The following SLAIN2 variants were observed in gnomAD, a reference collection of about 807,000 sequenced individuals.
SLAIN2 encodes the protein SLAIN family member 2.
In SLAIN2, 31 loss-of-function variants were observed where a neutral mutation model predicts 56.6. The observed-to-expected ratio is 0.55, with a 90% CI of 0.41 to 0.74. The LOEUF is 0.74. SLAIN2 is among the 30% of genes least tolerant of loss of function. The pLI is 0.00. For synonymous variants in SLAIN2, 317 were observed against 284.9 expected, an observed-to-expected ratio of 1.11 and a Z score of -1.13; for missense variants, 777 against 754.2, an observed-to-expected ratio of 1.03 and a Z score of -0.35.
intron 1 of SLAIN2, among the ~76,000 whole-genome samples, chr4:48,346,447 A>G (rs906970529): frequency 6.6e-6 from 1 of 152,098 alleles, no homozygotes; most frequent in Admixed American, 6.6e-5. Context: ...CTTCTCATCG[A>G]TAACCTTTGT....
At chr4:48,378,629 CTGAT>C (rs1715890004) in intron 3 of SLAIN2, among the ~76,000 whole-genome samples, 1 of 152,126 alleles carries the variant, frequency 6.6e-6, no homozygotes, top group African/African-American at 2.4e-5. Context: ...GTTGTTATGA[CTGAT>C]TATTATAACT....
intron 6 of SLAIN2, among the ~76,000 whole-genome samples, chr4:48,404,956 C>T (rs1716654904): frequency 3.3e-5 from 5 of 152,292 alleles, no homozygotes; most frequent in South Asian, 2.1e-4. Flanking sequence ...AGTTTCCCCT[C>T]CACTTATACA....
chr4:48,374,874 T>C (rs770875110), intron 2 of SLAIN2, among the ~76,000 whole-genome samples: 25 of 152,208 alleles, frequency 1.6e-4, no homozygotes, highest in Admixed American at 3.3e-4. Context: ...ATTGGGATCA[T>C]TCTGGAAGAG....
intron 6 of SLAIN2, among the ~76,000 whole-genome samples, chr4:48,398,008 C>A (rs1716453789): frequency 6.6e-6 from 1 of 152,116 alleles, no homozygotes; most frequent in African/African-American, 2.4e-5. Context: ...GATTTATATT[C>A]CTTTGAACAT....
At chr4:48,418,810 A>G (rs1176630954) in intron 6 of SLAIN2, among the ~76,000 whole-genome samples, 5 of 152,056 alleles carry the variant, frequency 3.3e-5, no homozygotes, top group Non-Finnish European at 7.4e-5. Context: ...CATAAATTAG[A>G]TATGACTTTC....
At chr4:48,368,678 C>T (rs1715589815) in intron 1 of SLAIN2, among the ~76,000 whole-genome samples, 1 of 152,100 alleles carries the variant, frequency 6.6e-6, no homozygotes, top group African/African-American at 2.4e-5. Flanking sequence ...GAATGAACCC[C>T]ATTGATTTCA....
chr4:48,360,037 C>T (rs967674558), intron 1 of SLAIN2, among the ~76,000 whole-genome samples: 1 of 151,922 alleles, frequency 6.6e-6, no homozygotes, highest in African/African-American at 2.4e-5. Flanking sequence ...ACCTATAATC[C>T]CAGCTACTCA....
chr4:48,396,106 T>G (rs1206878865), intron 6 of SLAIN2, among the ~76,000 whole-genome samples: 1 of 152,154 alleles, frequency 6.6e-6, no homozygotes, highest in Admixed American at 6.6e-5. Context: ...AACTTCTAGC[T>G]GAATTTTTAA....
chr4:48,352,190 T>G (rs1465365223), intron 1 of SLAIN2, among the ~76,000 whole-genome samples: 1 of 152,202 alleles, frequency 6.6e-6, no homozygotes, highest in Non-Finnish European at 1.5e-5. Context: ...ATAGCTACCT[T>G]TATTGGCTAG....
At chr4:48,362,747 A>ATTTTTTTTTTTTTTTTTTTTTT (rs1715365516) in intron 1 of SLAIN2, among the ~76,000 whole-genome samples, 5 of 51,510 alleles carry the variant, frequency 9.7e-5, no homozygotes, top group Non-Finnish European at 2.1e-4. Context: ...TTTTTTTTTT[A>ATTTTTTTTTTTTTTTTTTTTTT]TTCTTTTTTT....
In SLAIN2 at chr4:48,342,711, C is replaced by CTTTTTTTTTTTTTTTTTTTT. The variant is rs761272695; in HGVS notation, c.389+588_389+607dup. Among the ~76,000 whole-genome samples, 15 of 65,946 alleles carry CTTTTTTTTTTTTTTTTTTTT rather than the reference C, an allele frequency of 2.3e-4. 1 individual carries two copies. Among genetic ancestry groups the CTTTTTTTTTTTTTTTTTTTT allele is most frequent in the African/African-American group, 4.4e-4 (7 of 15,984 alleles). The allele number at this position is 65,946 out of a possible 152,430, so 43.3% of individuals were successfully genotyped here. ...GAAGAGAGGGCAGAGGATGGTGCTGCTTTTTTTTTTTTTTTTTTTTTTTTG... is the reference window on the plus strand; with the variant it reads ...GAAGAGAGGGCAGAGGATGGTGCTGCTTTTTTTTTTTTTTTTTTTTTTTTTTTTTTTTTTTTTTTTTTTTG... On this transcript the variant is annotated intron_variant, in intron 1 of 7. Coordinates refer to ENST00000264313, the MANE Select transcript of SLAIN2 (RefSeq NM_020846.2).
At chr4:48,361,246 G>A (rs1436034392) in intron 1 of SLAIN2, among the ~76,000 whole-genome samples, 1 of 152,204 alleles carries the variant, frequency 6.6e-6, no homozygotes, top group Non-Finnish European at 1.5e-5. Context: ...GAGCAGGGGA[G>A]GGTGAGGTAA....
In SLAIN2 at chr4:48,423,011, C is replaced by T. The variant is rs1352238178; in HGVS notation, c.*934C>T. On this transcript the variant is annotated 3_prime_UTR_variant, in exon 8 of 8. Coordinates refer to ENST00000264313, the MANE Select transcript of SLAIN2 (RefSeq NM_020846.2). ...CTTTATTCTTGATACAACACCACCT[C>T]GGTGCTTGCAACCTGGAACAAAACC... 1.3e-5 allele frequency: 2 copies of T among 152,054 alleles called. No homozygotes were observed. Among genetic ancestry groups the T allele is most frequent in the Admixed American group, 6.6e-5 (1 of 15,260 alleles). 9.4% of individuals were successfully genotyped at this position (152,054 alleles called of 1,614,324 possible).
At chr4:48,358,480 C>T (rs376736776) in intron 1 of SLAIN2, among the ~76,000 whole-genome samples, 13 of 151,792 alleles carry the variant, frequency 8.6e-5, no homozygotes, top group African/African-American at 7.2e-5. Context: ...CCACCATGCC[C>T]GGCTAATTTT....
At chr4:48,414,480 T>G (rs1001156737) in intron 6 of SLAIN2, among the ~76,000 whole-genome samples, 2 of 152,148 alleles carry the variant, frequency 1.3e-5, no homozygotes, top group African/African-American at 4.8e-5. Context: ...CACAGCAAAC[T>G]TATATTGGCT....
intron 6 of SLAIN2, among the ~76,000 whole-genome samples, chr4:48,407,183 T>C (rs1162913649): frequency 6.6e-6 from 1 of 151,946 alleles, no homozygotes; most frequent in Non-Finnish European, 1.5e-5. Context: ...TCTCGAATTA[T>C]TTTTTTTCTT....
At chr4:48,390,768 CTT>C (rs1363773114) in intron 6 of SLAIN2, among the ~76,000 whole-genome samples, 1 of 152,166 alleles carries the variant, frequency 6.6e-6, no homozygotes, top group Non-Finnish European at 1.5e-5. Flanking sequence ...TTTTTGAAAA[CTT>C]ATCAATAGCT....
chr4:48,409,459 C>T (rs1457619965), intron 6 of SLAIN2, among the ~76,000 whole-genome samples: 4 of 152,184 alleles, frequency 2.6e-5, no homozygotes, highest in Non-Finnish European at 4.4e-5. Context: ...ATATCCCCAT[C>T]GTTAAGTGAC....
chr4:48,362,492 C>T (rs1715354624), intron 1 of SLAIN2, among the ~76,000 whole-genome samples: 1 of 141,152 alleles, frequency 7.1e-6, no homozygotes, highest in Non-Finnish European at 1.6e-5. Flanking sequence ...AGTCTTGGGT[C>T]ACTACAACCT....
Sources: allele counts gnomAD v4.1 joint callset (sites outside exome capture counted in the v4.1 genomes callset), GRCh38; gene constraint gnomAD v4.1.1; transcripts MANE v1.5; gene names NCBI Gene and HGNC (gene_info 2026-07-23, HGNC 2026-07-21).